GRIN2A: variants seen among roughly 807,000 people sequenced by gnomAD.
GRIN2A encodes glutamate receptor ionotropic, NMDA 2A.
A neutral mutation model predicts 113.4 loss-of-function variants in GRIN2A; 22 were observed. That is an observed-to-expected ratio of 0.19 (90% CI 0.14 to 0.28). The LOEUF (loss-of-function observed/expected upper bound fraction) is 0.28, where lower values mean the gene tolerates loss of function less well. GRIN2A is among the 10% of genes least tolerant of loss of function. The probability of loss-of-function intolerance (pLI) is 1.00; values close to 1 mark genes in which losing one functional copy is unlikely to be tolerated. For synonymous variants in GRIN2A, 827 were observed against 738.4 expected (o/e 1.12, Z -1.94); for missense variants, 1,502 against 1,887.0 (o/e 0.80, Z 3.78).
intron 2 of GRIN2A, among the ~76,000 whole-genome samples, chr16:10,075,629 G>T (rs934103766): frequency 6.6e-6 from 1 of 152,156 alleles, no homozygotes; most frequent in African/African-American, 2.4e-5. Context: ...AAAGGAACCA[G>T]TCCATCAAAA....
chr16:9,914,750 G>T (rs979260703), intron 3 of GRIN2A, among the ~76,000 whole-genome samples: 1 of 151,822 alleles, frequency 6.6e-6, no homozygotes. Flanking sequence ...ACCTGGATAT[G>T]ATAGCAGCAG....
At chr16:10,164,200 A>G (rs1195056368) in intron 2 of GRIN2A, among the ~76,000 whole-genome samples, 1 of 152,214 alleles carries the variant, frequency 6.6e-6, no homozygotes, top group Non-Finnish European at 1.5e-5. Context: ...TTGTCAATTA[A>G]TATTTACTGA....
At chr16:9,981,004 T>TA (rs937063102) in intron 2 of GRIN2A, among the ~76,000 whole-genome samples, 2 of 132,272 alleles carry the variant, frequency 1.5e-5, no homozygotes, top group Non-Finnish European at 3.3e-5. Context: ...AAAATAAAAA[T>TA]AAAATAAATA....
chr16:9,990,563 G>A (rs11074519), intron 2 of GRIN2A, among the ~76,000 whole-genome samples: 45,225 of 123,944 alleles, frequency 0.36, 7,979 homozygotes, highest in African/African-American at 0.43. Flanking sequence ...GCGCGCGCGC[G>A]CACACACACA....
At chr16:10,063,815 C>T (rs1177393777) in intron 2 of GRIN2A, among the ~76,000 whole-genome samples, 3 of 152,148 alleles carry the variant, frequency 2.0e-5, no homozygotes, top group African/African-American at 7.2e-5. Flanking sequence ...TTGGAAACTT[C>T]TAGACGTACA....
At chr16:9,866,017 G>T (rs1375706950) in intron 4 of GRIN2A, among the ~76,000 whole-genome samples, 1 of 152,184 alleles carries the variant, frequency 6.6e-6, no homozygotes, top group East Asian at 1.9e-4. Context: ...TTGCCATAGA[G>T]AGAGTATGGC....
chr16:9,866,572 T>C (rs1281748607), intron 4 of GRIN2A, among the ~76,000 whole-genome samples: 2 of 152,210 alleles, frequency 1.3e-5, no homozygotes, highest in African/African-American at 4.8e-5. Flanking sequence ...AAATTGGCAA[T>C]TGGCCTTGGG....
intron 2 of GRIN2A, among the ~76,000 whole-genome samples, chr16:10,106,298 A>T (rs1005202878): frequency 2.6e-5 from 4 of 151,238 alleles, no homozygotes; most frequent in Non-Finnish European, 5.9e-5. Context: ...ACAGTGGCTC[A>T]CTTCTGTAAT....
chr16:9,941,858 A>G (rs2044887273), intron 2 of GRIN2A, among the ~76,000 whole-genome samples: 1 of 152,170 alleles, frequency 6.6e-6, no homozygotes, highest in Admixed American at 6.5e-5. Flanking sequence ...AGTTGGCACT[A>G]ATAGTATGCC....
At chr16:10,037,563 A>G (rs1403898641) in intron 2 of GRIN2A, among the ~76,000 whole-genome samples, 1 of 152,216 alleles carries the variant, frequency 6.6e-6, no homozygotes, top group Non-Finnish European at 1.5e-5. Flanking sequence ...ACCCCTTAGC[A>G]TGATATTCAA....
chr16:9,892,554 A>G (rs906311479), intron 3 of GRIN2A, among the ~76,000 whole-genome samples: 1 of 152,206 alleles, frequency 6.6e-6, no homozygotes, highest in African/African-American at 2.4e-5. Context: ...GATGACTCCT[A>G]GAATCTACCT....
At chr16:10,100,523 C>T (rs2048373755) in intron 2 of GRIN2A, among the ~76,000 whole-genome samples, 1 of 152,192 alleles carries the variant, frequency 6.6e-6, no homozygotes, top group Admixed American at 6.5e-5. Flanking sequence ...CCACTCACCT[C>T]CCAGTGAAAT....
Position 9,753,631 on chromosome 16 carries a change from T to C in GRIN2A, c.*9518A>G, listed in dbSNP as rs1018063014. 5.1e-6 allele frequency: 1 copy of C among 195,342 alleles called. No individual in the cohort carries two copies. The highest frequency in any genetic ancestry group is 2.3e-5 in the African/African-American group (1 of 43,252). 12.1% of individuals were successfully genotyped at this position (195,342 alleles called of 1,614,324 possible). On this transcript the variant is annotated 3_prime_UTR_variant, in exon 13 of 13. Coordinates refer to ENST00000330684, the MANE Select transcript of GRIN2A (RefSeq NM_001134407.3). ...AGACAACCATAGTATATACTTCCTC[T>C]ATCATAGAAAGGTGTTAAGCAAACA...
At chr16:9,831,456 T>C (rs1455028292) in intron 8 of GRIN2A, among the ~76,000 whole-genome samples, 1 of 152,008 alleles carries the variant, frequency 6.6e-6, no homozygotes, top group East Asian at 1.9e-4. Flanking sequence ...CCAGTGACCT[T>C]TTTGCTCTGT....
chr16:9,980,578 G>A (rs549647526), intron 2 of GRIN2A, among the ~76,000 whole-genome samples: 1 of 152,148 alleles, frequency 6.6e-6, no homozygotes, highest in East Asian at 1.9e-4. Flanking sequence ...CAAAGACTTG[G>A]AACCAACCCA....
chr16:9,772,922 CAAAAAAAAA>C (rs71400490), intron 11 of GRIN2A, among the ~76,000 whole-genome samples: 3 of 105,014 alleles, frequency 2.9e-5, no homozygotes, highest in East Asian at 2.8e-4. Flanking sequence ...ACTTCAATTT[CAAAAAAAAA>C]AAAAAAAAAA....
intron 2 of GRIN2A, among the ~76,000 whole-genome samples, chr16:10,061,613 T>A (rs2047551441): frequency 6.6e-6 from 1 of 152,194 alleles, no homozygotes; most frequent in African/African-American, 2.4e-5. Context: ...GAAGTCAGTC[T>A]GGGGCAGAGA....
chr16:9,946,648 G>T (rs2045024352), intron 2 of GRIN2A, among the ~76,000 whole-genome samples: 1 of 152,094 alleles, frequency 6.6e-6, no homozygotes, highest in Non-Finnish European at 1.5e-5. Flanking sequence ...GGCCCATAGT[G>T]CCAGTAATTA....
At chr16:9,840,509 C>G in intron 7 of GRIN2A, 138 bp downstream of exon 7, 1 of 829,198 alleles carries the variant, frequency 1.2e-6, no homozygotes, top group Non-Finnish European at 2.0e-6. Flanking sequence ...TAGGATAATT[C>G]AAATGCAGCA....
Sources: gnomAD v4.1 joint callset for allele counts (sites outside exome capture counted in the v4.1 genomes callset) on GRCh38, gnomAD v4.1.1 for gene constraint, MANE v1.5 for transcripts, NCBI Gene and HGNC (gene_info 2026-07-23, HGNC 2026-07-21) for gene names.